The following RIMBP2 variants were observed in gnomAD, a reference collection of about 807,000 sequenced individuals.
RIMBP2 encodes the protein RIMS-binding protein 2.
A neutral mutation model predicts 118.6 loss-of-function variants in RIMBP2; 48 were observed. That is an observed-to-expected ratio of 0.40 (90% confidence interval 0.32 to 0.51). RIMBP2 has a LOEUF of 0.51. Ranked by LOEUF, RIMBP2 falls within the 20% of genes least tolerant of loss-of-function variation. RIMBP2 has a pLI of 0.41. For missense variants in RIMBP2, 1,551 were observed against 1,768.3 expected (o/e 0.88, Z 2.20); for synonymous variants, 762 against 742.9 (o/e 1.03, Z -0.42).
rs1169753527 is a variant in RIMBP2 at position 130,578,706 on chromosome 12, A to AGTCCCT, written c.-217+49610_-217+49615dup. Among the ~76,000 whole-genome samples, 4 of 152,086 alleles carry AGTCCCT rather than the reference A, an allele frequency of 2.6e-5. No individual in the cohort carries two copies. The East Asian group carries it at 7.7e-4, about 29-fold the overall frequency. Reference sequence around the variant, plus strand: ...ACTTCCCCTCGCTACCCAACGACCGAGTCCCTCACCCTGCCCCGTCTCCAC... The same window carrying AGTCCCT: ...ACTTCCCCTCGCTACCCAACGACCGAGTCCCTGTCCCTCACCCTGCCCCGTCTCCAC... On this transcript the variant is annotated intron_variant, in intron 2 of 22. Coordinates refer to ENST00000690449, the MANE Select transcript of RIMBP2 (RefSeq NM_001393629.1). This position sits in a 1 kb window ranked among gnomAD's most constrained non-coding sequence, Gnocchi z 4.1.
At chr12:130,594,494 G>C (rs2059443029) in intron 2 of RIMBP2, among the ~76,000 whole-genome samples, 1 of 152,244 alleles carries the variant, frequency 6.6e-6, no homozygotes. Context: ...TCTTCCCTGG[G>C]CCACATTGGA....
intron 11 of RIMBP2, 130 bp downstream of exon 11, chr12:130,441,718 G>C: frequency 1.3e-6 from 1 of 799,468 alleles, no homozygotes; most frequent in Non-Finnish European, 2.0e-6. Context: ...GGTGACCTAA[G>C]GGATTTTCCA....
intron 1 of RIMBP2, among the ~76,000 whole-genome samples, chr12:130,669,469 C>T (rs760439047): frequency 7.9e-5 from 12 of 152,186 alleles, no homozygotes; most frequent in Admixed American, 2.0e-4. Flanking sequence ...GCGGTTTCCC[C>T]GTGCTGTTCT....
intron 1 of RIMBP2, among the ~76,000 whole-genome samples, chr12:130,659,820 A>G (rs1174016144): frequency 6.6e-6 from 1 of 151,626 alleles, no homozygotes; most frequent in Non-Finnish European, 1.5e-5. Context: ...TAAAAAATAC[A>G]AAAATTAGCC....
intron 11 of RIMBP2, among the ~76,000 whole-genome samples, chr12:130,439,381 G>C (rs2077842524): frequency 1.3e-5 from 2 of 151,362 alleles, no homozygotes; most frequent in Non-Finnish European, 2.9e-5. Context: ...ATGTGGGTGT[G>C]TGTATGTGGA....
At chr12:130,432,321 C>T in intron 14 of RIMBP2, 1 of 456,542 alleles carries the variant, frequency 2.2e-6, no homozygotes, top group South Asian at 1.5e-5. Context: ...CCTCAGTTTC[C>T]CTGTATACAT....
At chr12:130,443,108 T>C (rs778583039) in intron 10 of RIMBP2, among the ~76,000 whole-genome samples, 3 of 152,168 alleles carry the variant, frequency 2.0e-5, no homozygotes, top group Non-Finnish European at 4.4e-5. Flanking sequence ...CATCTTACTA[T>C]GATTTTTGAT....
At chr12:130,664,446 C>CACGCACGCAT (rs71088776) in intron 1 of RIMBP2, among the ~76,000 whole-genome samples, 4 of 73,284 alleles carry the variant, frequency 5.5e-5, no homozygotes, top group East Asian at 3.6e-4. Context: ...CACGCACACA[C>CACGCACGCAT]GCACACACAT....
intron 1 of RIMBP2, among the ~76,000 whole-genome samples, chr12:130,691,579 G>A (rs1032446521): frequency 1.3e-5 from 2 of 152,204 alleles, no homozygotes; most frequent in Admixed American, 1.3e-4. Flanking sequence ...GCTCAGATGG[G>A]AAGATCACCT....
At chr12:130,626,692 A>G (rs12425929) in intron 2 of RIMBP2, among the ~76,000 whole-genome samples, 23,298 of 148,298 alleles carry the variant, frequency 0.16, 1,897 homozygotes, top group Non-Finnish European at 0.19. Flanking sequence ...TTCCATCACA[A>G]CTACTGCTTC....
chr12:130,413,977 C>G, intron 18 of RIMBP2, 148 bp downstream of exon 18: 1 of 857,096 alleles, frequency 1.2e-6, no homozygotes, highest in Non-Finnish European at 1.8e-6. Context: ...CTTGCCGTCA[C>G]AGCACCATGC....
intron 1 of RIMBP2, among the ~76,000 whole-genome samples, chr12:130,709,724 A>AC (rs1380579312): frequency 6.0e-4 from 87 of 144,282 alleles, no homozygotes; most frequent in South Asian, 2.4e-3. Context: ...CCTTGAGGAA[A>AC]CCCCCCCCCT....
intron 7 of RIMBP2, among the ~76,000 whole-genome samples, chr12:130,455,212 G>T (rs745654548): frequency 6.6e-6 from 1 of 152,234 alleles, no homozygotes; most frequent in African/African-American, 2.4e-5. Flanking sequence ...TGGGAAGAAC[G>T]GAAACCGTCT....
At chr12:130,513,911 C>T (rs969785650) in intron 3 of RIMBP2, among the ~76,000 whole-genome samples, 1 of 152,204 alleles carries the variant, frequency 6.6e-6, no homozygotes, top group Non-Finnish European at 1.5e-5. Flanking sequence ...TCCAGGGATC[C>T]AGAAGGACAC....
At chr12:130,690,644 C>A (rs1393056146) in intron 1 of RIMBP2, among the ~76,000 whole-genome samples, 2 of 152,188 alleles carry the variant, frequency 1.3e-5, no homozygotes, top group Admixed American at 1.3e-4. Flanking sequence ...AATAACTGTA[C>A]TATTTTAGCA....
intron 2 of RIMBP2, among the ~76,000 whole-genome samples, chr12:130,548,892 C>T (rs2055446805): frequency 6.6e-6 from 1 of 152,078 alleles, no homozygotes; most frequent in African/African-American, 2.4e-5. Flanking sequence ...CAGCCTACCT[C>T]TTGGACTTTG....
At chr12:130,528,203 C>T (rs2053009767) in intron 2 of RIMBP2, among the ~76,000 whole-genome samples, 1 of 152,186 alleles carries the variant, frequency 6.6e-6, no homozygotes, top group Non-Finnish European at 1.5e-5. Flanking sequence ...CCCAAATGCC[C>T]ATCAGTGATA....
At chr12:130,562,217 A>T (rs2056873811) in intron 2 of RIMBP2, among the ~76,000 whole-genome samples, 1 of 152,240 alleles carries the variant, frequency 6.6e-6, no homozygotes, top group Non-Finnish European at 1.5e-5. Flanking sequence ...CTTCAAAGCC[A>T]CCCTCCATGA....
chr12:130,487,851 C>G (rs1332530233), intron 4 of RIMBP2, among the ~76,000 whole-genome samples: 1 of 152,070 alleles, frequency 6.6e-6, no homozygotes, highest in Non-Finnish European at 1.5e-5. Flanking sequence ...TGAGGCCTCT[C>G]GCCTAAAACA....
Sources: allele counts gnomAD v4.1 joint callset (sites outside exome capture counted in the v4.1 genomes callset), GRCh38; gene constraint gnomAD v4.1.1; non-coding constraint Gnocchi (gnomAD v3.1); transcripts MANE v1.5; gene names NCBI Gene and HGNC (gene_info 2026-07-23, HGNC 2026-07-21).